Variants in KCTD16 observed in about 807,000 individuals in gnomAD.
The protein encoded by KCTD16 is BTB/POZ domain-containing protein KCTD16.
Under a neutral mutation model 33.2 loss-of-function variants are expected in KCTD16, and 13 were observed. The observed-to-expected ratio is 0.39, with a 90% CI of 0.25 to 0.62. KCTD16 has a LOEUF of 0.62. Ranked by LOEUF, KCTD16 falls within the 20% of genes least tolerant of loss-of-function variation. The probability of loss-of-function intolerance (pLI) is 0.50; values close to 1 mark genes in which losing one functional copy is unlikely to be tolerated. For synonymous variants in KCTD16, 197 were observed against 195.3 expected (o/e 1.01, Z -0.07); for missense variants, 441 against 525.1 (o/e 0.84, Z 1.57).
At chr5:144,357,247 T>G (rs1751591249) in intron 3 of KCTD16, among the ~76,000 whole-genome samples, 1 of 151,946 alleles carries the variant, frequency 6.6e-6, no homozygotes, top group Non-Finnish European at 1.5e-5. Context: ...AGCTGAAGAG[T>G]TAAAAAGGGA....
rs1051343713 is a variant in KCTD16, at chr5:144,484,657, A to G, written c.*10543A>G. 2 of 151,948 alleles carry G rather than the reference A, an allele frequency of 1.3e-5. No individual in the cohort carries two copies. The highest frequency in any genetic ancestry group is 2.9e-5 in the Non-Finnish European group (2 of 67,934). 9.4% of individuals were successfully genotyped at this position (151,948 alleles called of 1,614,324 possible). ...ATGCTGTGAATGTGATGTCACCACA[A>G]ATAGAGGATTCTGAATTTTGCTGGT... On this transcript the variant is annotated 3_prime_UTR_variant, in exon 4 of 4. Transcript: ENST00000512467.
intron 3 of KCTD16, among the ~76,000 whole-genome samples, chr5:144,348,491 C>T (rs187892023): frequency 1.3e-5 from 2 of 152,312 alleles, no homozygotes; most frequent in Admixed American, 6.5e-5. Flanking sequence ...ACCCATCATC[C>T]TCATCGTGTT....
intron 3 of KCTD16, among the ~76,000 whole-genome samples, chr5:144,276,520 C>T (rs1386001487): frequency 2.6e-5 from 4 of 152,118 alleles, no homozygotes; most frequent in Non-Finnish European, 4.4e-5. Flanking sequence ...TTTATTTCTC[C>T]TAGTCTTCTA....
At chr5:144,327,520 T>C (rs1026873841) in intron 3 of KCTD16, among the ~76,000 whole-genome samples, 1 of 152,152 alleles carries the variant, frequency 6.6e-6, no homozygotes, top group African/African-American at 2.4e-5. Flanking sequence ...TATTTTGAAA[T>C]AATTAATTTT....
intron 3 of KCTD16, among the ~76,000 whole-genome samples, chr5:144,356,745 C>T (rs1751579948): frequency 1.3e-5 from 2 of 152,072 alleles, no homozygotes; most frequent in Non-Finnish European, 2.9e-5. Flanking sequence ...GAAAGGACAA[C>T]ATAGTTTCTC....
At position 144,341,751 on chromosome 5, in the gene KCTD16, G is replaced by C. The variant is rs1350869376; in HGVS notation, c.833-131909G>C. Among the ~76,000 whole-genome samples, 3 of 152,110 alleles carry C rather than the reference G, an allele frequency of 2.0e-5. No homozygotes were observed. The East Asian group carries it at 5.8e-4, about 29-fold the overall frequency. On this transcript the variant is annotated intron_variant, in intron 3 of 3. Transcript: ENST00000512467. ...ATAGCAGGACATAGAGTTTGGATTT[G>C]GGGGATCAAGGCACTTTCAATTTCC... is the stretch of plus-strand genomic sequence containing the variant.
chr5:144,453,838 C>A (rs551293596), intron 3 of KCTD16, among the ~76,000 whole-genome samples: 9 of 152,132 alleles, frequency 5.9e-5, no homozygotes, highest in Non-Finnish European at 1.3e-4. Context: ...TTAGACTGGC[C>A]TTAATCTGAG....
chr5:144,416,758 C>T lies in KCTD16; in HGVS notation c.833-56902C>T, dbSNP rs1193004094. Among the ~76,000 whole-genome samples, 3 of 152,146 alleles carry T rather than the reference C, an allele frequency of 2.0e-5. No homozygotes were observed. In the South Asian group the frequency reaches 6.2e-4, roughly 32 times the overall value. On this transcript the variant is annotated intron_variant, in intron 3 of 3. Transcript: ENST00000512467. ...TCACTCGAAAGTAAAACTCCTTAACCATTAACCAGTTTTTCCCCATTTCTT... is the reference window on the plus strand; with the variant it reads ...TCACTCGAAAGTAAAACTCCTTAACTATTAACCAGTTTTTCCCCATTTCTT...
intron 3 of KCTD16, among the ~76,000 whole-genome samples, chr5:144,255,564 G>A (rs981203469): frequency 2.3e-4 from 35 of 152,006 alleles, no homozygotes; most frequent in Admixed American, 1.7e-3. Flanking sequence ...TTTTATTTGC[G>A]TTTTTCTGAA....
At chr5:144,230,666 G>A in intron 3 of KCTD16, among the ~76,000 whole-genome samples, 1 of 151,946 alleles carries the variant, frequency 6.6e-6, no homozygotes, top group South Asian at 2.1e-4. Context: ...GCCTTATGCA[G>A]CAAGACCATA....
intron 3 of KCTD16, among the ~76,000 whole-genome samples, chr5:144,333,650 G>C (rs1219927873): frequency 2.0e-5 from 3 of 152,088 alleles, no homozygotes. Context: ...GATAATGAGG[G>C]ACAACTCAGC....
intron 2 of KCTD16, among the ~76,000 whole-genome samples, chr5:144,181,560 T>G (rs970413093): frequency 4.6e-5 from 7 of 152,172 alleles, no homozygotes; most frequent in Admixed American, 6.5e-5. Context: ...AAATTTGTTG[T>G]TGGTGGTGGT....
At chr5:144,244,356 A>G (rs987831904) in intron 3 of KCTD16, among the ~76,000 whole-genome samples, 22 of 152,230 alleles carry the variant, frequency 1.4e-4, no homozygotes, top group Non-Finnish European at 4.4e-5. Flanking sequence ...CATAGGAAGC[A>G]TTAAGAGCAA....
chr5:144,284,035 G>T (rs1429107952), intron 3 of KCTD16, among the ~76,000 whole-genome samples: 2 of 152,130 alleles, frequency 1.3e-5, no homozygotes, highest in African/African-American at 4.8e-5. Flanking sequence ...GTAGCTTTCT[G>T]TTCTTTTAGG....
At chr5:144,315,419 T>C (rs1200200920) in intron 3 of KCTD16, among the ~76,000 whole-genome samples, 3 of 152,186 alleles carry the variant, frequency 2.0e-5, no homozygotes, top group Non-Finnish European at 4.4e-5. Flanking sequence ...AAAATATAAA[T>C]ATTTTTATTT....
intron 3 of KCTD16, among the ~76,000 whole-genome samples, chr5:144,241,636 T>A (rs549496291): frequency 2.2e-4 from 33 of 152,282 alleles, no homozygotes; most frequent in African/African-American, 7.7e-4. Context: ...GGTTACCTGA[T>A]CTGAAATGAA....
intron 3 of KCTD16, among the ~76,000 whole-genome samples, chr5:144,371,420 G>A (rs887937165): frequency 2.0e-5 from 3 of 152,114 alleles, no homozygotes; most frequent in African/African-American, 7.2e-5. Context: ...GGATTTGAGA[G>A]CCAAACATTA....
intron 3 of KCTD16, among the ~76,000 whole-genome samples, chr5:144,401,538 C>T (rs1169006410): frequency 6.6e-6 from 1 of 152,156 alleles, no homozygotes; most frequent in African/African-American, 2.4e-5. Context: ...TCTTGGGTAA[C>T]CTCTGGCCAT....
rs191368576 is a variant in KCTD16, at chr5:144,192,274, C to T, written c.-326-14115C>T. 4.8e-4 allele frequency among the ~76,000 whole-genome samples: 73 copies of T among 152,238 alleles called. No homozygotes were observed. The East Asian group carries it at 0.01, about 21-fold the overall frequency. On this transcript the variant is annotated intron_variant, in intron 2 of 3. Coordinates refer to ENST00000512467, the MANE Select transcript of KCTD16 (RefSeq NM_020768.4). ...TACTCTAGATTGTTAATCCTGATGA[C>T]GTCTCAAGTCGGCTTTGATGATCTT...
Sources: allele counts gnomAD v4.1 joint callset (sites outside exome capture counted in the v4.1 genomes callset), GRCh38; gene constraint gnomAD v4.1.1; transcripts MANE v1.5; gene names NCBI Gene and HGNC (gene_info 2026-07-23, HGNC 2026-07-21).